Variants in EBF1 observed in about 807,000 individuals in gnomAD.
EBF1 encodes EBF transcription factor 1.
In EBF1, 10 loss-of-function variants were observed where a neutral mutation model predicts 68.4. The ratio of observed to expected loss-of-function variants is 0.15; its 90% CI spans 0.09 to 0.25. The LOEUF is 0.25. EBF1 is among the 10% of genes least tolerant of loss of function. EBF1 has a pLI of 1.00. For missense variants in EBF1, 509 were observed against 794.4 expected, an observed-to-expected ratio of 0.64 and a Z score of 4.32; for synonymous variants, 298 against 299.8, an observed-to-expected ratio of 0.99 and a Z score of 0.06.
At chr5:159,069,483 C>T (rs762672254) in intron 6 of EBF1, among the ~76,000 whole-genome samples, 2 of 152,098 alleles carry the variant, frequency 1.3e-5, no homozygotes, top group African/African-American at 2.4e-5. Flanking sequence ...CATCTGTATT[C>T]ATCCATGTCA....
Position 158,992,926 on chromosome 5 carries a change from T to C in EBF1, c.554+80470A>G, listed in dbSNP as rs898824115. Among the ~76,000 whole-genome samples, 326 of 129,954 alleles carry C rather than the reference T, an allele frequency of 2.5e-3. 4 individuals carry two copies. The highest frequency in any genetic ancestry group is 9.1e-3 in the African/African-American group (310 of 34,192). The allele number at this position is 129,954 out of a possible 152,430, so 85.3% of individuals were successfully genotyped here. ...GCCCTGCTGTTTCTTTCTTTTTTTTTTTTTTTTTTTTTTTTTTTTTGAGAC... is the reference window on the plus strand; with the variant it reads ...GCCCTGCTGTTTCTTTCTTTTTTTTCTTTTTTTTTTTTTTTTTTTTGAGAC... On this transcript the variant is annotated intron_variant, in intron 6 of 15. Transcript: ENST00000313708.
chr5:158,970,504 A>C (rs1755424653), intron 6 of EBF1, among the ~76,000 whole-genome samples: 1 of 152,220 alleles, frequency 6.6e-6, no homozygotes, highest in South Asian at 2.1e-4. Flanking sequence ...GGTCACTGGC[A>C]CACTCCTTAT....
chr5:158,843,363 C>T (rs1031920098), intron 6 of EBF1, among the ~76,000 whole-genome samples: 1 of 152,144 alleles, frequency 6.6e-6, no homozygotes, highest in African/African-American at 2.4e-5. Context: ...ACCAGCTATG[C>T]CAGGGAGAAA....
chr5:159,053,605 TCACA>T (rs3062333), intron 6 of EBF1, among the ~76,000 whole-genome samples: 98 of 146,402 alleles, frequency 6.7e-4, no homozygotes, highest in South Asian at 3.3e-3. Flanking sequence ...TCTCTCTCTC[TCACA>T]CACACACACA....
At chr5:158,854,980 C>T (rs756264314) in intron 6 of EBF1, among the ~76,000 whole-genome samples, 103 of 152,022 alleles carry the variant, frequency 6.8e-4, no homozygotes, top group Non-Finnish European at 1.1e-3. Flanking sequence ...TGTACTGAGG[C>T]GAGGGGAATC....
In EBF1 at chr5:158,699,140, T is replaced by C. The variant is rs746185831; in HGVS notation, c.1747A>G (p.Ile583Val). ...ATAGGAGGAACAATCATGCCAGATATCGCTATGAAAGAAAAGACAGAAGTC... is the reference window on the plus strand; with the variant it reads ...ATAGGAGGAACAATCATGCCAGATACCGCTATGAAAGAAAAGACAGAAGTC... Reference protein sequence around the residue: ...TSTNGNSLQAISGMIVPPM With the variant: ...TSTNGNSLQAVSGMIVPPM Residue 583 changes from isoleucine to valine, a missense_variant and splice_region_variant, in exon 16 of 16, where the codon ATA becomes GTA. By Grantham distance (29) the Ile-to-Val change is conservative. Transcript: ENST00000313708. 1.9e-6 allele frequency: 3 copies of C among 1,607,236 alleles called. No individual in the cohort carries two copies. The highest frequency in any genetic ancestry group is 2.2e-5 in the East Asian group (1 of 44,742).
intron 5 of EBF1, among the ~76,000 whole-genome samples, 157 bp downstream of exon 5, chr5:159,084,509 A>G (rs968404869): frequency 2.6e-5 from 4 of 151,846 alleles, no homozygotes; most frequent in African/African-American, 9.7e-5. Context: ...ACACTTTACT[A>G]CCAAATACTC....
intron 6 of EBF1, among the ~76,000 whole-genome samples, chr5:158,867,359 GA>G (rs748923808): frequency 6.6e-5 from 10 of 152,250 alleles, no homozygotes; most frequent in Admixed American, 3.3e-4. Flanking sequence ...TTTCATATGT[GA>G]AAAAATCATT....
At chr5:158,765,672 G>A (rs995249077) in intron 10 of EBF1, among the ~76,000 whole-genome samples, 18 of 152,116 alleles carry the variant, frequency 1.2e-4, no homozygotes, top group Admixed American at 3.3e-4. Context: ...CTCTTCTGTT[G>A]TTGTTTCTGC....
At chr5:159,060,933 T>TACACACACACACACAC (rs72070397) in intron 6 of EBF1, among the ~76,000 whole-genome samples, 31 of 143,788 alleles carry the variant, frequency 2.2e-4, no homozygotes, top group African/African-American at 7.5e-4. Flanking sequence ...TAAAGCTACA[T>TACACACACACACACAC]ACACACACAC....
intron 6 of EBF1, among the ~76,000 whole-genome samples, chr5:159,020,091 C>T (rs1372885543): frequency 2.6e-5 from 4 of 151,994 alleles, no homozygotes; most frequent in Non-Finnish European, 5.9e-5. Context: ...TTCAAAGGAC[C>T]CCTGTTGCCT....
At chr5:158,706,004 C>A (rs778469484) in intron 15 of EBF1, among the ~76,000 whole-genome samples, 10 of 152,122 alleles carry the variant, frequency 6.6e-5, no homozygotes, top group Non-Finnish European at 1.0e-4. Flanking sequence ...TTATTTAAAC[C>A]TATTATAAGT....
chr5:158,796,802 C>T (rs2127746126), intron 8 of EBF1, among the ~76,000 whole-genome samples: 1 of 152,176 alleles, frequency 6.6e-6, no homozygotes, highest in African/African-American at 2.4e-5. Flanking sequence ...ATATGGGTGA[C>T]TTTCTGGAAT....
intron 6 of EBF1, among the ~76,000 whole-genome samples, chr5:158,867,738 A>G (rs1796192688): frequency 6.6e-6 from 1 of 152,148 alleles, no homozygotes; most frequent in South Asian, 2.1e-4. Context: ...TTTTATTGTT[A>G]ATATTTTCTT....
chr5:158,781,038 T>C (rs78452396), intron 9 of EBF1, among the ~76,000 whole-genome samples: 2,417 of 152,278 alleles, frequency 0.016, 65 homozygotes, highest in African/African-American at 0.054. Context: ...CTCTTTCCCT[T>C]CCTTGGAACA....
At chr5:158,852,568 T>G (rs909096628) in intron 6 of EBF1, among the ~76,000 whole-genome samples, 3 of 152,208 alleles carry the variant, frequency 2.0e-5, no homozygotes, top group Non-Finnish European at 2.9e-5. Flanking sequence ...GCGAGCATCA[T>G]GCCCACAGAG....
chr5:158,947,458 T>A (rs1249079883), intron 6 of EBF1, among the ~76,000 whole-genome samples: 2 of 152,202 alleles, frequency 1.3e-5, no homozygotes, highest in Non-Finnish European at 2.9e-5. Flanking sequence ...GTTTCCTGAC[T>A]GCTTGTGCTT....
chr5:158,799,085 A>G (rs185930958), intron 8 of EBF1, among the ~76,000 whole-genome samples: 1 of 152,262 alleles, frequency 6.6e-6, no homozygotes, highest in East Asian at 1.9e-4. Context: ...AGGAATCATG[A>G]GCTATCCCAG....
At chr5:158,939,103 A>C (rs1812701000) in intron 6 of EBF1, among the ~76,000 whole-genome samples, 1 of 152,234 alleles carries the variant, frequency 6.6e-6, no homozygotes, top group Non-Finnish European at 1.5e-5. Context: ...ATCTAAATAA[A>C]TCAAGAGGAG....
Sources: gnomAD v4.1 joint callset for allele counts (sites outside exome capture counted in the v4.1 genomes callset) on GRCh38, gnomAD v4.1.1 for gene constraint, MANE v1.5 for transcripts, NCBI Gene and HGNC (gene_info 2026-07-23, HGNC 2026-07-21) for gene names.